HS2ST1: variants seen among roughly 807,000 people sequenced by gnomAD.
HS2ST1 encodes the protein 2-O-sulfotransferase.
A neutral mutation model predicts 42.9 loss-of-function variants in HS2ST1; 18 were observed. The observed-to-expected ratio is 0.42, with a 90% CI of 0.29 to 0.62. HS2ST1 has a LOEUF of 0.62. Ranked by LOEUF, HS2ST1 falls within the 20% of genes least tolerant of loss-of-function variation. The pLI, the probability that HS2ST1 is intolerant of heterozygous loss-of-function variation, is 0.21. For synonymous variants in HS2ST1, 146 were observed against 152.9 expected (o/e 0.95, Z 0.33); for missense variants, 334 against 433.8 (o/e 0.77, Z 2.04).
intron 1 of HS2ST1, among the ~76,000 whole-genome samples, chr1:86,946,161 A>G (rs1341941954): frequency 6.6e-6 from 1 of 152,188 alleles, no homozygotes; most frequent in Non-Finnish European, 1.5e-5. Flanking sequence ...CATTGTTTAT[A>G]CCTTAAAAGA....
chr1:86,935,289 T>G (rs1363410265), intron 1 of HS2ST1, among the ~76,000 whole-genome samples: 1 of 151,868 alleles, frequency 6.6e-6, no homozygotes, highest in Non-Finnish European at 1.5e-5. Context: ...TCAGAATTGT[T>G]AAGTCATTAA....
At chr1:86,930,571 T>C (rs960783222) in intron 1 of HS2ST1, among the ~76,000 whole-genome samples, 3 of 151,916 alleles carry the variant, frequency 2.0e-5, no homozygotes, top group African/African-American at 7.2e-5. Context: ...AATAAGATTA[T>C]TAAAGGACCT....
intron 1 of HS2ST1, among the ~76,000 whole-genome samples, chr1:86,949,564 C>A (rs898061126): frequency 1.3e-5 from 2 of 152,140 alleles, no homozygotes; most frequent in Non-Finnish European, 2.9e-5. Flanking sequence ...AGCGAGACTG[C>A]ATCTCAGAAA....
chr1:87,045,874 T>G, intron 1 of HS2ST1: 1 of 702,412 alleles, frequency 1.4e-6, no homozygotes, highest in East Asian at 3.0e-5. Flanking sequence ...AGAGTCTCAG[T>G]GCTGTGAGCT....
chr1:87,092,655 CAAG>C lies in HS2ST1; in HGVS notation c.575_577del (p.Gln192_Gly193delinsArg). 1 of 1,529,034 alleles carries C rather than the reference CAAG, an allele frequency of 6.5e-7. No homozygotes were observed. 94.7% of individuals were successfully genotyped at this position (1,529,034 alleles called of 1,614,324 possible). A position where few individuals can be genotyped will look rare whatever the true frequency, so the allele number is the denominator to read the frequency against. ...TAGACCAGGGTTACGGAGACGAAAA[CAAG>C]GAGACAAAAAGGTAATATTTTAGTT... On this transcript the variant is annotated inframe_deletion, in exon 4 of 7. Transcript: ENST00000370550.
intron 1 of HS2ST1, among the ~76,000 whole-genome samples, chr1:87,056,605 A>T (rs1442954688): frequency 6.6e-6 from 1 of 152,222 alleles, no homozygotes; most frequent in East Asian, 1.9e-4. Flanking sequence ...CCAATTATAA[A>T]ATTCAAAAAA....
rs536438641 is a variant in HS2ST1 at position 86,996,208 on chromosome 1, C to T, written c.125-76726C>T. ...CTGTAATCCCAGCACTTTGGGAGGC[C>T]GAGGCGGGCGGATCACTTGAGATTG... On this transcript the variant is annotated intron_variant, in intron 1 of 6. Coordinates refer to ENST00000370550, the MANE Select transcript of HS2ST1 (RefSeq NM_012262.4). Among the ~76,000 whole-genome samples the T allele has an allele frequency of 6.8e-4, 104 of 151,874 alleles. 1 individual carries two copies. Among genetic ancestry groups the T allele is most frequent in the Non-Finnish European group, 1.2e-3 (83 of 67,934 alleles).
intron 1 of HS2ST1, among the ~76,000 whole-genome samples, chr1:86,966,557 C>T (rs1251205176): frequency 6.6e-6 from 1 of 152,260 alleles, no homozygotes; most frequent in East Asian, 1.9e-4. Context: ...GGAAATAAAA[C>T]TTTAATATGA....
chr1:86,981,470 GACAA>G (rs1364094259), intron 1 of HS2ST1, among the ~76,000 whole-genome samples: 2 of 152,164 alleles, frequency 1.3e-5, no homozygotes, highest in Non-Finnish European at 2.9e-5. Context: ...CCTGTAAAAT[GACAA>G]ACAAGTTAGT....
At chr1:86,944,507 A>G (rs1647270159) in intron 1 of HS2ST1, among the ~76,000 whole-genome samples, 1 of 152,038 alleles carries the variant, frequency 6.6e-6, no homozygotes, top group Admixed American at 6.6e-5. Flanking sequence ...GGTGTGCACC[A>G]CCATGCCCGG....
At chr1:87,046,580 A>C in intron 1 of HS2ST1, 1 of 1,578,832 alleles carries the variant, frequency 6.3e-7, no homozygotes, top group Non-Finnish European at 8.7e-7. Context: ...GCGGAAAAGG[A>C]AACCTCCAGT....
chr1:87,096,343 C>G (rs1286914354), intron 4 of HS2ST1, among the ~76,000 whole-genome samples: 1 of 152,118 alleles, frequency 6.6e-6, no homozygotes, highest in Non-Finnish European at 1.5e-5. Context: ...ATACATTGGT[C>G]ATTTGGAACA....
rs1386150666 is a variant in HS2ST1 at position 87,073,088 on chromosome 1, C to T, written c.279C>T (p.Ala93=). ...KTASTSFTNI[A]YDLCAKNKYH... is the part of the protein sequence containing the mutation. ...CAAGCACTTCATTTACCAATATCGC[C>T]TATGACCTGTGTGCAAAGAATAAAT... Residue 93 remains alanine (A), a synonymous_variant, in exon 2 of 7, where the codon GCC becomes GCT. Transcript: ENST00000370550. 11 of 1,613,936 alleles carry T rather than the reference C, an allele frequency of 6.8e-6. No individual in the cohort carries two copies. The Admixed American group carries it at 1.8e-4, about 27-fold the overall frequency.
intron 1 of HS2ST1, chr1:87,044,961 TC>T (rs1397418755): frequency 6.3e-7 from 1 of 1,592,028 alleles, no homozygotes; most frequent in Non-Finnish European, 8.6e-7. Context: ...ATCCAGCTCT[TC>T]CTTCTGTTCT....
intron 1 of HS2ST1, 87 bp downstream of exon 1, chr1:86,915,247 T>C: frequency 6.8e-7 from 1 of 1,465,180 alleles, no homozygotes; most frequent in South Asian, 1.3e-5. Context: ...TCATCTAACC[T>C]GGGGTCTGGC....
intron 5 of HS2ST1, among the ~76,000 whole-genome samples, chr1:87,101,156 G>GTTT (rs1162453464): frequency 2.3e-4 from 21 of 91,144 alleles, no homozygotes; most frequent in African/African-American, 4.9e-4. Flanking sequence ...TGTGTTTTTT[G>GTTT]TTTTTTTTTT....
intron 1 of HS2ST1, among the ~76,000 whole-genome samples, chr1:86,996,964 A>G (rs971990455): frequency 1.4e-5 from 2 of 147,170 alleles, no homozygotes; most frequent in South Asian, 2.1e-4. Context: ...ACGTTAGGCC[A>G]TATATATATA....
chr1:86,922,553 T>C (rs1660322507), intron 1 of HS2ST1, among the ~76,000 whole-genome samples: 1 of 152,040 alleles, frequency 6.6e-6, no homozygotes, highest in Non-Finnish European at 1.5e-5. Context: ...TTTGTGTGTC[T>C]GAAAAAGTCT....
Position 87,109,456 on chromosome 1 carries a change from A to G in HS2ST1, c.*4760A>G, listed in dbSNP as rs545940429. 1 of 152,240 alleles carries G rather than the reference A, an allele frequency of 6.6e-6. No homozygotes were observed. Among genetic ancestry groups the G allele is most frequent in the South Asian group, 2.1e-4 (1 of 4,820 alleles). 9.4% of individuals were successfully genotyped at this position (152,240 alleles called of 1,614,324 possible). ...ATATACTTAATTAGAAGAAAAAAATAGAGAAAGGGCTATTAGAATTAAAAA... is the reference window on the plus strand; with the variant it reads ...ATATACTTAATTAGAAGAAAAAAATGGAGAAAGGGCTATTAGAATTAAAAA... On this transcript the variant is annotated 3_prime_UTR_variant, in exon 7 of 7. Coordinates refer to ENST00000370550, the MANE Select transcript of HS2ST1 (RefSeq NM_012262.4).
Sources: gnomAD v4.1 joint callset for allele counts (sites outside exome capture counted in the v4.1 genomes callset) on GRCh38, gnomAD v4.1.1 for gene constraint, MANE v1.5 for transcripts, NCBI Gene and HGNC (gene_info 2026-07-23, HGNC 2026-07-21) for gene names.